The following COPG2 variants were observed in gnomAD, a reference collection of about 807,000 sequenced individuals.
COPG2 encodes the protein coatomer subunit gamma-2.
In COPG2, 37 loss-of-function variants were observed where a neutral mutation model predicts 46.3. The observed-to-expected ratio is 0.80, with a 90% CI of 0.61 to 1.05. The LOEUF (loss-of-function observed/expected upper bound fraction) is 1.05, where lower values mean the gene tolerates loss of function less well. Ranked by LOEUF, COPG2 falls within the 50% of genes least tolerant of loss-of-function variation. COPG2 has a pLI of 0.00. For synonymous variants in COPG2, 159 were observed against 129.7 expected (o/e 1.23, Z -1.53); for missense variants, 427 against 387.8 (o/e 1.10, Z -0.85).
chr7:130,600,934 G>A (rs1309384959), intron 9 of COPG2, among the ~76,000 whole-genome samples: 1 of 152,196 alleles, frequency 6.6e-6, no homozygotes, highest in African/African-American at 2.4e-5. Flanking sequence ...ATACATGAGA[G>A]GTGATGGCCT....
intron 9 of COPG2, among the ~76,000 whole-genome samples, chr7:130,585,236 A>T (rs1554447840): frequency 1.3e-5 from 2 of 152,090 alleles, no homozygotes; most frequent in Non-Finnish European, 2.9e-5. Flanking sequence ...CTTTTCAACT[A>T]ATGTTGCTGG....
chr7:130,603,600 A>G (rs567063670), intron 9 of COPG2, among the ~76,000 whole-genome samples: 6 of 152,004 alleles, frequency 3.9e-5, no homozygotes, highest in African/African-American at 1.4e-4. Context: ...GCGTGCCTGC[A>G]ATCTCAGCTA....
At chr7:130,643,252 G>A (rs1248060572) in intron 5 of COPG2, among the ~76,000 whole-genome samples, 2 of 150,220 alleles carry the variant, frequency 1.3e-5, no homozygotes, top group Admixed American at 6.6e-5. Context: ...CCAAGATCGC[G>A]CCACTGCACT....
intron 20 of COPG2, among the ~76,000 whole-genome samples, chr7:130,537,977 G>T (rs1029388082): frequency 6.6e-6 from 1 of 152,178 alleles, no homozygotes. Flanking sequence ...GGAAACCACT[G>T]TTCCTTAGAG....
chr7:130,630,334 T>C (rs1795206059), intron 5 of COPG2, among the ~76,000 whole-genome samples: 1 of 152,246 alleles, frequency 6.6e-6, no homozygotes, highest in Admixed American at 6.5e-5. Context: ...GTAAACAGGA[T>C]TAATTGCAAC....
chr7:130,627,183 TAACTTTTTAGTATTTTCTGAATTAC>T (rs1231001194), intron 5 of COPG2, among the ~76,000 whole-genome samples: 1 of 152,228 alleles, frequency 6.6e-6, no homozygotes, highest in Non-Finnish European at 1.5e-5. Context: ...TCTTCCCCAC[TAACTTTTTAGTATTTTCTGAATTAC>T]AACTGTGGAG....
chr7:130,578,390 G>A (rs1319331334), intron 9 of COPG2, among the ~76,000 whole-genome samples: 5 of 149,652 alleles, frequency 3.3e-5, no homozygotes, highest in Non-Finnish European at 5.9e-5. Flanking sequence ...AAACCACAAA[G>A]ATGGGGAAAA....
chr7:130,558,335 C>T (rs1793664716), intron 12 of COPG2, among the ~76,000 whole-genome samples: 1 of 152,070 alleles, frequency 6.6e-6, no homozygotes, highest in Non-Finnish European at 1.5e-5. Context: ...CACTCCTCCA[C>T]ACCCCCCTTG....
chr7:130,506,663 G>C lies in COPG2; in HGVS notation c.*13C>G. On this transcript the variant is annotated 3_prime_UTR_variant, in exon 24 of 24. Coordinates refer to ENST00000425248, the MANE Select transcript of COPG2 (RefSeq NM_012133.6). Reference sequence around the variant, plus strand: ...ATGTAGTGTGCATCAGTTTCCTCTTGTCCAGTAAGCATTTATCCAACAGAA... The same window carrying C: ...ATGTAGTGTGCATCAGTTTCCTCTTCTCCAGTAAGCATTTATCCAACAGAA... 2 of 777,918 alleles carry C rather than the reference G, an allele frequency of 2.6e-6. No individual in the cohort carries two copies. The highest frequency in any genetic ancestry group is 4.8e-6 in the Non-Finnish European group (2 of 416,452). The allele number at this position is 777,918 out of a possible 1,614,324, so 48.2% of individuals were successfully genotyped here. A position where few individuals can be genotyped will look rare whatever the true frequency, so the allele number is the denominator to read the frequency against.
chr7:130,535,983 G>A (rs895239643), intron 20 of COPG2, among the ~76,000 whole-genome samples: 5 of 152,082 alleles, frequency 3.3e-5, no homozygotes, highest in Admixed American at 3.3e-4. Context: ...CACCTGGTCA[G>A]TGATATGAAA....
At chr7:130,528,067 A>AAGGAGGGAGGAGGCAGG (rs1442812296) in intron 20 of COPG2, among the ~76,000 whole-genome samples, 1 of 151,864 alleles carries the variant, frequency 6.6e-6, no homozygotes, top group African/African-American at 2.4e-5. Context: ...CATCGGTGCT[A>AAGGAGGGAGGAGGCAGG]AGGAGGGAGG....
intron 9 of COPG2, among the ~76,000 whole-genome samples, chr7:130,573,041 A>G (rs1793935849): frequency 6.6e-6 from 1 of 152,088 alleles, no homozygotes; most frequent in Admixed American, 6.5e-5. Flanking sequence ...TACTGACACT[A>G]AAGAAATGAA....
intron 9 of COPG2, chr7:130,607,422 T>G (rs1554451422): frequency 2.3e-6 from 1 of 436,398 alleles, no homozygotes; most frequent in East Asian, 7.1e-5. Context: ...TTTGTACTTC[T>G]GGCAATTTTT....
chr7:130,531,160 G>C (rs1799821278), intron 20 of COPG2, among the ~76,000 whole-genome samples: 1 of 125,662 alleles, frequency 8.0e-6, no homozygotes, highest in African/African-American at 3.0e-5. Flanking sequence ...TGGGAGTGGG[G>C]CAGGGCATGG....
At chr7:130,605,614 C>G (rs1794713137) in intron 9 of COPG2, 1 of 435,342 alleles carries the variant, frequency 2.3e-6, no homozygotes, top group Non-Finnish European at 4.6e-6. Flanking sequence ...AGAAGGAATA[C>G]AGGCAACCTC....
chr7:130,667,839 T>C (rs1273536748), intron 1 of COPG2, among the ~76,000 whole-genome samples: 6 of 152,112 alleles, frequency 3.9e-5, no homozygotes, highest in Admixed American at 6.5e-5. Context: ...ATTAATGAGA[T>C]TGTAGTAGGG....
chr7:130,622,384 A>G (rs1554453729), intron 5 of COPG2, among the ~76,000 whole-genome samples: 1 of 152,188 alleles, frequency 6.6e-6, no homozygotes, highest in Non-Finnish European at 1.5e-5. Flanking sequence ...GTAAGGCAGT[A>G]ACAATGCCAG....
At chr7:130,645,271 T>TG (rs1354212312) in intron 5 of COPG2, 16 of 648,350 alleles carry the variant, frequency 2.5e-5, no homozygotes, top group African/African-American at 5.5e-5. Context: ...AGATATTACC[T>TG]GGGGGGCCAC....
intron 5 of COPG2, among the ~76,000 whole-genome samples, chr7:130,618,902 A>T (rs1460631995): frequency 6.6e-6 from 1 of 151,972 alleles, no homozygotes; most frequent in African/African-American, 2.4e-5. Flanking sequence ...TAATACCTTC[A>T]CCCAAGCTTC....
Sources: gnomAD v4.1 joint callset for allele counts (sites outside exome capture counted in the v4.1 genomes callset) on GRCh38, gnomAD v4.1.1 for gene constraint, MANE v1.5 for transcripts, NCBI Gene and HGNC (gene_info 2026-07-23, HGNC 2026-07-21) for gene names.